XPNPEP3: variants seen among roughly 807,000 people sequenced by gnomAD.
XPNPEP3 encodes the protein xaa-Pro aminopeptidase 3.
A neutral mutation model predicts 60.0 loss-of-function variants in XPNPEP3; 41 were observed. That is an observed-to-expected ratio of 0.68 (90% CI 0.53 to 0.89). The LOEUF is 0.89. Ranked by LOEUF, XPNPEP3 falls within the 40% of genes least tolerant of loss-of-function variation. The pLI, the probability that XPNPEP3 is intolerant of heterozygous loss-of-function variation, is 0.00. For synonymous variants in XPNPEP3, 212 were observed against 223.2 expected (o/e 0.95, Z 0.45); for missense variants, 598 against 638.9 (o/e 0.94, Z 0.69).
Position 40,929,699 on chromosome 22 carries a change from A to G in XPNPEP3, c.*3264A>G, listed in dbSNP as rs931510031. On this transcript the variant is annotated 3_prime_UTR_variant, in exon 10 of 10. Coordinates refer to ENST00000357137, the MANE Select transcript of XPNPEP3 (RefSeq NM_022098.4). The stretch of plus-strand genomic sequence containing the variant: ...TTGTCCTTTGAGTCCCAGATTAACT[A>G]ACTATAGCAGCTAAGCATTTGAATC... 1 of 152,264 alleles carries G rather than the reference A, an allele frequency of 6.6e-6. No homozygotes were observed. The highest frequency in any genetic ancestry group is 1.5e-5 in the Non-Finnish European group (1 of 68,030). The allele number at this position is 152,264 out of a possible 1,614,324, so 9.4% of individuals were successfully genotyped here.
intron 4 of XPNPEP3, among the ~76,000 whole-genome samples, chr22:40,899,322 T>C (rs2058122169): frequency 6.6e-6 from 1 of 152,200 alleles, no homozygotes; most frequent in African/African-American, 2.4e-5. Flanking sequence ...CAGCCAGCAC[T>C]GAAGGCACTA....
chr22:40,879,663 G>A (rs1219722249), intron 2 of XPNPEP3, among the ~76,000 whole-genome samples: 1 of 152,084 alleles, frequency 6.6e-6, no homozygotes, highest in Non-Finnish European at 1.5e-5. Flanking sequence ...ACAACATGGT[G>A]AAATCTTGTC....
chr22:40,893,216 T>A (rs2058095105), intron 4 of XPNPEP3, among the ~76,000 whole-genome samples: 1 of 148,616 alleles, frequency 6.7e-6, no homozygotes, highest in African/African-American at 2.5e-5. Context: ...ACAGATCCTT[T>A]TTAATAGATA....
intron 5 of XPNPEP3, 97 bp from the exon 6 acceptor site, chr22:40,909,020 TTAAGA>T (rs2058166638): frequency 3.4e-6 from 3 of 884,600 alleles, no homozygotes; most frequent in Non-Finnish European, 5.7e-6. Flanking sequence ...CAGTAATGAC[TTAAGA>T]TAAGTACTGG....
intron 7 of XPNPEP3, among the ~76,000 whole-genome samples, chr22:40,921,846 C>T (rs1002442643): frequency 3.3e-5 from 5 of 151,950 alleles, no homozygotes; most frequent in African/African-American, 1.2e-4. Context: ...TTTTTTATCT[C>T]GTAATTGCTA....
At chr22:40,886,896 G>T (rs1457136193) in intron 4 of XPNPEP3, among the ~76,000 whole-genome samples, 1 of 151,762 alleles carries the variant, frequency 6.6e-6, no homozygotes, top group African/African-American at 2.4e-5. Context: ...AAGCTCTTGA[G>T]GTCGTATACC....
At chr22:40,876,753 T>C (rs988110310) in intron 2 of XPNPEP3, among the ~76,000 whole-genome samples, 1 of 152,242 alleles carries the variant, frequency 6.6e-6, no homozygotes, top group Admixed American at 6.5e-5. Context: ...ATAATACCTA[T>C]GCCAAAAAAT....
intron 4 of XPNPEP3, among the ~76,000 whole-genome samples, chr22:40,895,773 C>G (rs1286089053): frequency 6.6e-6 from 1 of 152,174 alleles, no homozygotes; most frequent in Non-Finnish European, 1.5e-5. Context: ...TTATCCCTTT[C>G]ACAGCAGCAT....
At chr22:40,901,043 T>G (rs1459302126) in intron 4 of XPNPEP3, among the ~76,000 whole-genome samples, 1 of 149,608 alleles carries the variant, frequency 6.7e-6, no homozygotes, top group Non-Finnish European at 1.5e-5. Flanking sequence ...TCAGTTGAAC[T>G]CAGGAGTTCA....
intron 4 of XPNPEP3, among the ~76,000 whole-genome samples, chr22:40,905,573 A>G (rs1049309222): frequency 2.6e-5 from 4 of 152,170 alleles, no homozygotes; most frequent in African/African-American, 9.7e-5. Flanking sequence ...ATTAAATGCT[A>G]TGAAGAAAAG....
At chr22:40,911,675 G>A (rs2058177799) in intron 6 of XPNPEP3, among the ~76,000 whole-genome samples, 1 of 151,614 alleles carries the variant, frequency 6.6e-6, no homozygotes, top group Non-Finnish European at 1.5e-5. Flanking sequence ...TCCTGAGTAG[G>A]TGGGATTACA....
chr22:40,904,242 C>A (rs1285240788), intron 4 of XPNPEP3, among the ~76,000 whole-genome samples: 2 of 152,084 alleles, frequency 1.3e-5, no homozygotes, highest in Non-Finnish European at 1.5e-5. Context: ...ATCATGTGTA[C>A]CTGGAATGCT....
chr22:40,883,344 AC>A (rs750670294), intron 3 of XPNPEP3, among the ~76,000 whole-genome samples: 7 of 152,068 alleles, frequency 4.6e-5, no homozygotes, highest in Non-Finnish European at 7.4e-5. Flanking sequence ...TGGTTCATAT[AC>A]AGTTGAGTTC....
intron 1 of XPNPEP3, among the ~76,000 whole-genome samples, chr22:40,864,398 G>T (rs1202034462): frequency 2.0e-5 from 3 of 152,066 alleles, no homozygotes; most frequent in African/African-American, 7.2e-5. Context: ...GAAGATGTTC[G>T]CAGTGTCTAA....
At position 40,927,900 on chromosome 22, in the gene XPNPEP3, AAAAG is replaced by A. The variant is rs1336087509; in HGVS notation, c.*1471_*1474del. 3.9e-5 allele frequency: 6 copies of A among 152,382 alleles called. No homozygotes were observed. Among genetic ancestry groups the A allele is most frequent in the Non-Finnish European group, 7.3e-5 (5 of 68,456 alleles). The allele number at this position is 152,382 out of a possible 1,614,324, so 9.4% of individuals were successfully genotyped here. On this transcript the variant is annotated 3_prime_UTR_variant, in exon 10 of 10. Coordinates refer to ENST00000357137, the MANE Select transcript of XPNPEP3 (RefSeq NM_022098.4). ...AAAAAAAAAAAAAAAAAAGAAAAAA[AAAAG>A]AAAGATTTCTTTCGCAGATATCCCT...
chr22:40,867,026 GAA>G (rs775335893), intron 1 of XPNPEP3, among the ~76,000 whole-genome samples: 30 of 152,226 alleles, frequency 2.0e-4, no homozygotes, highest in Admixed American at 1.5e-3. Context: ...CAGGAGGAGA[GAA>G]AGAGAAATCA....
chr22:40,875,272 C>T (rs1331415768), intron 2 of XPNPEP3, among the ~76,000 whole-genome samples: 1 of 152,086 alleles, frequency 6.6e-6, no homozygotes, highest in African/African-American at 2.4e-5. Flanking sequence ...ACCTCCCAAG[C>T]GATCCTCCCA....
intron 7 of XPNPEP3, among the ~76,000 whole-genome samples, chr22:40,919,189 T>A (rs181463775): frequency 5.9e-5 from 9 of 152,236 alleles, no homozygotes; most frequent in Admixed American, 5.9e-4. Context: ...TAGACTTAAC[T>A]GTAGATTGGA....
At chr22:40,892,984 G>A (rs924376394) in intron 4 of XPNPEP3, among the ~76,000 whole-genome samples, 5 of 151,300 alleles carry the variant, frequency 3.3e-5, no homozygotes, top group Non-Finnish European at 7.4e-5. Context: ...ATCATATTCT[G>A]GTAACCTTTG....
Sources: gnomAD v4.1 joint callset for allele counts (sites outside exome capture counted in the v4.1 genomes callset) on GRCh38, gnomAD v4.1.1 for gene constraint, MANE v1.5 for transcripts, NCBI Gene and HGNC (gene_info 2026-07-23, HGNC 2026-07-21) for gene names.